Variants in TNFSF10 observed in about 807,000 individuals in gnomAD.
The protein encoded by TNFSF10 is tumor necrosis factor ligand superfamily member 10.
Under a neutral mutation model 29.5 loss-of-function variants are expected in TNFSF10, and 13 were observed. The ratio of observed to expected loss-of-function variants is 0.44; its 90% confidence interval spans 0.29 to 0.70. The LOEUF (loss-of-function observed/expected upper bound fraction) is 0.70. TNFSF10 is among the 30% of genes least tolerant of loss of function. The probability of loss-of-function intolerance (pLI) is 0.13; values close to 1 mark genes in which losing one functional copy is unlikely to be tolerated. For missense variants in TNFSF10, 345 were observed against 330.9 expected (o/e 1.04, Z -0.33); for synonymous variants, 111 against 112.8 (o/e 0.98, Z 0.10).
chr3:172,518,335 A>G, intron 1 of TNFSF10: 7 of 1,256,028 alleles, frequency 5.6e-6, no homozygotes, highest in Non-Finnish European at 7.2e-6. Context: ...GTGGTTGTCT[A>G]GGCCAGGGTC....
intron 1 of TNFSF10, among the ~76,000 whole-genome samples, chr3:172,522,768 T>C (rs934156714): frequency 2.0e-5 from 3 of 152,250 alleles, no homozygotes; most frequent in African/African-American, 7.2e-5. Flanking sequence ...TCATTGTTAT[T>C]TTTTTCCATT....
intron 1 of TNFSF10, chr3:172,518,158 C>A: frequency 5.6e-6 from 6 of 1,080,874 alleles, no homozygotes; most frequent in Non-Finnish European, 5.7e-6. Flanking sequence ...CTCTAACTAA[C>A]CACACTTGGG....
At chr3:172,508,155 T>A (rs1713066529) in intron 4 of TNFSF10, among the ~76,000 whole-genome samples, 1 of 151,676 alleles carries the variant, frequency 6.6e-6, no homozygotes, top group Non-Finnish European at 1.5e-5. Flanking sequence ...ACCAGCCTCG[T>A]GTAGTGGTGC....
intron 1 of TNFSF10, 69 bp downstream of exon 1, chr3:172,523,184 A>G (rs1713779865): frequency 6.7e-7 from 1 of 1,497,628 alleles, no homozygotes; most frequent in Admixed American, 1.8e-5. Flanking sequence ...GCAAGCTGAC[A>G]TGCAAAGAAG....
At chr3:172,515,909 C>G (rs1037559370) in intron 1 of TNFSF10, among the ~76,000 whole-genome samples, 1 of 152,144 alleles carries the variant, frequency 6.6e-6, no homozygotes, top group Non-Finnish European at 1.5e-5. Flanking sequence ...CTCATTTCTT[C>G]TCTTCCGTTT....
intron 4 of TNFSF10, among the ~76,000 whole-genome samples, chr3:172,508,486 A>T (rs1024930978): frequency 2.6e-5 from 4 of 152,214 alleles, no homozygotes; most frequent in African/African-American, 9.7e-5. Context: ...AAATGCCACT[A>T]GGAGCACCTA....
At chr3:172,520,889 A>C (rs927844689) in intron 1 of TNFSF10, among the ~76,000 whole-genome samples, 1 of 152,196 alleles carries the variant, frequency 6.6e-6, no homozygotes, top group Non-Finnish European at 1.5e-5. Flanking sequence ...AGGCCTCAGA[A>C]ATAACACTAC....
At chr3:172,519,039 T>C (rs1451558897) in intron 1 of TNFSF10, among the ~76,000 whole-genome samples, 1 of 152,228 alleles carries the variant, frequency 6.6e-6, no homozygotes, top group Non-Finnish European at 1.5e-5. Context: ...TGAACAAATC[T>C]CTTAACTTCG....
chr3:172,520,197 C>T (rs972062833), intron 1 of TNFSF10, among the ~76,000 whole-genome samples: 8 of 152,110 alleles, frequency 5.3e-5, no homozygotes, highest in African/African-American at 1.9e-4. Flanking sequence ...GTCATAGTTC[C>T]AGGGGTTTTC....
At position 172,523,359 on chromosome 3, in the gene TNFSF10, C is replaced by T. The variant is rs138912628; in HGVS notation, c.26G>A (p.Gly9Glu). 2 of 1,612,916 alleles carry T rather than the reference C, an allele frequency of 1.2e-6. No homozygotes were observed. The highest frequency in any genetic ancestry group is 1.1e-5 in the South Asian group (1 of 91,030). The stretch of plus-strand genomic sequence containing the variant: ...CACGCAGGTCTGTCCCAGGCTGGGT[C>T]CCCCCTGGACCTCCATCATAGCCAT... MAMMEVQG[G>E]PSLGQTCVLI... Residue 9 changes from glycine to glutamate, a missense_variant, in exon 1 of 5, where the codon GGA (glycine) becomes GAA (glutamate). Gly to Glu is a moderately conservative substitution (Grantham distance 98). Coordinates refer to ENST00000241261, the MANE Select transcript of TNFSF10 (RefSeq NM_003810.4).
intron 2 of TNFSF10, among the ~76,000 whole-genome samples, chr3:172,513,287 C>T (rs913564617): frequency 1.3e-5 from 2 of 152,180 alleles, no homozygotes; most frequent in African/African-American, 4.8e-5. Context: ...GCTGGACAAT[C>T]GCACCTCCAC....
intron 3 of TNFSF10, among the ~76,000 whole-genome samples, chr3:172,510,323 G>T (rs553515597): frequency 6.6e-6 from 1 of 152,236 alleles, no homozygotes; most frequent in South Asian, 2.1e-4. Context: ...AGGCGTGTTG[G>T]CCTGTGCCCG....
At chr3:172,517,367 T>C (rs895713553) in intron 1 of TNFSF10, 2 of 985,042 alleles carry the variant, frequency 2.0e-6, no homozygotes, top group Admixed American at 6.2e-5. Flanking sequence ...ACCTGGAAAA[T>C]TGAGTAAGGT....
chr3:172,516,763 C>T (rs1021474351), intron 1 of TNFSF10, among the ~76,000 whole-genome samples: 7 of 152,168 alleles, frequency 4.6e-5, no homozygotes, highest in Admixed American at 4.6e-4. Flanking sequence ...TCCAGTTGCA[C>T]CTCGAATTGA....
intron 1 of TNFSF10, chr3:172,518,399 T>C (rs1713532511): frequency 1.6e-6 from 2 of 1,289,012 alleles, no homozygotes. Context: ...CAAGGTAGAC[T>C]TCAAGATGGC....
intron 1 of TNFSF10, among the ~76,000 whole-genome samples, chr3:172,522,045 G>T (rs1322989231): frequency 1.4e-5 from 2 of 146,642 alleles, no homozygotes; most frequent in Non-Finnish European, 3.0e-5. Context: ...GCCTGTCGGG[G>T]GTGGGAGGCT....
At chr3:172,516,430 A>T (rs2108448548) in intron 1 of TNFSF10, among the ~76,000 whole-genome samples, 1 of 152,256 alleles carries the variant, frequency 6.6e-6, no homozygotes, top group East Asian at 1.9e-4. Flanking sequence ...TTAAATCAAA[A>T]TATCTTAACT....
intron 1 of TNFSF10, chr3:172,522,160 T>C (rs912238627): frequency 1.5e-5 from 5 of 344,362 alleles, no homozygotes; most frequent in Non-Finnish European, 2.2e-5. Flanking sequence ...TATACCTATG[T>C]AACAAACCTG....
chr3:172,507,139 G>T, intron 4 of TNFSF10: 2 of 534,326 alleles, frequency 3.7e-6, no homozygotes, highest in South Asian at 2.7e-5. Flanking sequence ...GGAACTGTTG[G>T]GAGTCCCTTG....
Sources: allele counts gnomAD v4.1 joint callset (sites outside exome capture counted in the v4.1 genomes callset), GRCh38; gene constraint gnomAD v4.1.1; transcripts MANE v1.5; gene names NCBI Gene and HGNC (gene_info 2026-07-23, HGNC 2026-07-21).